The following FAM13A variants were observed in gnomAD, a reference collection of about 807,000 sequenced individuals.
FAM13A encodes family with sequence similarity 13 member A, also known as protein FAM13A.
In FAM13A, 76 loss-of-function variants were observed where a neutral mutation model predicts 129.6. The ratio of observed to expected loss-of-function variants is 0.59; its 90% CI spans 0.49 to 0.71. FAM13A has a LOEUF of 0.71. Among genes scored for constraint, FAM13A ranks in the 30% least tolerant of loss-of-function variants. The pLI is 0.00. For synonymous variants in FAM13A, 443 were observed against 449.9 expected (o/e 0.98, Z 0.20); for missense variants, 1,108 against 1,249.3 (o/e 0.89, Z 1.70).
chr4:88,803,812 C>G (rs10012528), intron 8 of FAM13A, among the ~76,000 whole-genome samples: 77,113 of 152,080 alleles, frequency 0.51, 19,775 homozygotes, highest in East Asian at 0.69. Context: ...GCAGTTACTT[C>G]GCTAAGCCTG....
At chr4:88,939,027 T>C (rs1346824940) in intron 4 of FAM13A, among the ~76,000 whole-genome samples, 4 of 152,214 alleles carry the variant, frequency 2.6e-5, no homozygotes, top group African/African-American at 9.6e-5. Flanking sequence ...GAGAAATACA[T>C]TTAAAAAGCA....
At chr4:89,014,776 G>A (rs529674822) in intron 3 of FAM13A, among the ~76,000 whole-genome samples, 48 of 152,050 alleles carry the variant, frequency 3.2e-4, no homozygotes, top group African/African-American at 1.0e-3. Context: ...GATGTATGTC[G>A]CCTCAGGACC....
intron 4 of FAM13A, among the ~76,000 whole-genome samples, chr4:88,950,814 A>C (rs551423646): frequency 6.6e-6 from 1 of 152,328 alleles, no homozygotes; most frequent in East Asian, 1.9e-4. Flanking sequence ...AGCACATTAA[A>C]TTAACAGTGA....
At chr4:88,930,266 G>GT (rs988978323) in intron 5 of FAM13A, among the ~76,000 whole-genome samples, 20 of 152,030 alleles carry the variant, frequency 1.3e-4, no homozygotes, top group Non-Finnish European at 2.6e-4. Context: ...GCTTTTTCAT[G>GT]TTTTTTATGT....
chr4:88,741,553 G>A (rs1740261787), intron 19 of FAM13A, among the ~76,000 whole-genome samples: 1 of 152,124 alleles, frequency 6.6e-6, no homozygotes, highest in African/African-American at 2.4e-5. Context: ...TTTTTGATAT[G>A]GGTGCTGGTT....
chr4:88,828,987 T>C (rs1366054475), intron 7 of FAM13A, among the ~76,000 whole-genome samples: 1 of 152,234 alleles, frequency 6.6e-6, no homozygotes, highest in African/African-American at 2.4e-5. Context: ...CTAATTTTCT[T>C]ACATAACTTC....
chr4:88,782,070 CTT>C (rs1484997017), intron 10 of FAM13A, among the ~76,000 whole-genome samples: 1 of 151,244 alleles, frequency 6.6e-6, no homozygotes, highest in Non-Finnish European at 1.5e-5. Flanking sequence ...AATAGATAAT[CTT>C]AGTAGAAATT....
intron 6 of FAM13A, among the ~76,000 whole-genome samples, chr4:88,885,838 C>G (rs1744313174): frequency 6.7e-6 from 1 of 149,990 alleles, no homozygotes. Flanking sequence ...ACAATCCCAT[C>G]AAAAAGTGGG....
At chr4:88,753,957 T>C (rs892231441) in intron 14 of FAM13A, among the ~76,000 whole-genome samples, 15 of 152,236 alleles carry the variant, frequency 9.9e-5, no homozygotes, top group African/African-American at 3.6e-4. Context: ...TTTTATATTT[T>C]AACTAGCAAT....
intron 1 of FAM13A, among the ~76,000 whole-genome samples, chr4:89,035,639 T>C (rs1424823168): frequency 6.6e-6 from 1 of 152,178 alleles, no homozygotes; most frequent in African/African-American, 2.4e-5. Flanking sequence ...GAGGAAGGGC[T>C]GGGTGGGAGG....
chr4:88,750,777 C>T, intron 14 of FAM13A, 140 bp from the exon 15 acceptor site: 2 of 639,140 alleles, frequency 3.1e-6, no homozygotes, highest in South Asian at 3.9e-5. Context: ...AGCTAAGGTC[C>T]AGGCTAAGGA....
intron 7 of FAM13A, among the ~76,000 whole-genome samples, chr4:88,836,528 A>T (rs1299973769): frequency 6.6e-6 from 1 of 152,238 alleles, no homozygotes; most frequent in Non-Finnish European, 1.5e-5. Context: ...TTTCTAAAAT[A>T]TGGCAACAGA....
intron 5 of FAM13A, among the ~76,000 whole-genome samples, chr4:88,934,703 C>T (rs1431560707): frequency 6.6e-6 from 1 of 152,166 alleles, no homozygotes; most frequent in East Asian, 1.9e-4. Flanking sequence ...TGTAAATTCC[C>T]TTCTTGAAAC....
intron 11 of FAM13A, among the ~76,000 whole-genome samples, chr4:88,776,059 T>A (rs1300138868): frequency 6.6e-6 from 1 of 152,198 alleles, no homozygotes; most frequent in Non-Finnish European, 1.5e-5. Flanking sequence ...AGGAAGTTGT[T>A]CGTAGATAAG....
At chr4:89,055,422 A>G (rs1772101524) in intron 1 of FAM13A, among the ~76,000 whole-genome samples, 1 of 152,202 alleles carries the variant, frequency 6.6e-6, no homozygotes, top group South Asian at 2.1e-4. Context: ...TTTTATGTCA[A>G]CTTTAACTGA....
At chr4:88,965,165 G>T (rs1759189891) in intron 4 of FAM13A, among the ~76,000 whole-genome samples, 1 of 152,182 alleles carries the variant, frequency 6.6e-6, no homozygotes, top group Non-Finnish European at 1.5e-5. Flanking sequence ...TCCTGTTACA[G>T]ACAATGAGCA....
rs188379921 is a variant in FAM13A, at chr4:88,876,189, C to T, written c.844-25006G>A. ...ATAGCATTAGGAGAAATACCTAATG[C>T]AAATGACGAGTTAATGGGTGCAGCA... On this transcript the variant is annotated intron_variant, in intron 6 of 23. Coordinates refer to ENST00000264344, the MANE Select transcript of FAM13A (RefSeq NM_014883.4). Among the ~76,000 whole-genome samples the T allele has an allele frequency of 9.9e-5, 15 of 152,090 alleles. No homozygotes were observed. In the East Asian group the frequency reaches 2.7e-3, roughly 28 times the overall value.
rs570132907 is a variant in FAM13A at position 88,797,206 on chromosome 4, A to C, written c.1050-6579T>G. Among the ~76,000 whole-genome samples the C allele has an allele frequency of 6.6e-5, 10 of 151,316 alleles. No individual in the cohort carries two copies. The South Asian group carries it at 2.1e-3, about 32-fold the overall frequency. On this transcript the variant is annotated intron_variant, in intron 8 of 23. Coordinates refer to ENST00000264344, the MANE Select transcript of FAM13A (RefSeq NM_014883.4). The stretch of plus-strand genomic sequence containing the variant: ...AAATATGTTTCTTCATTCAAATTAT[A>C]GTTTTCAGATTGGCTTTTCAATCTC...
chr4:88,985,350 G>A (rs546140279), intron 4 of FAM13A, among the ~76,000 whole-genome samples: 31 of 152,214 alleles, frequency 2.0e-4, no homozygotes, highest in African/African-American at 4.6e-4. Flanking sequence ...TTCTTTTGGG[G>A]GTGATGAAAA....
Sources: allele counts gnomAD v4.1 joint callset (sites outside exome capture counted in the v4.1 genomes callset), GRCh38; gene constraint gnomAD v4.1.1; transcripts MANE v1.5; gene names NCBI Gene and HGNC (gene_info 2026-07-23, HGNC 2026-07-21).